The following PRIMA1 variants were observed in gnomAD, a reference collection of about 807,000 sequenced individuals.
PRIMA1 encodes proline rich membrane anchor 1, also known as proline-rich membrane anchor 1.
A neutral mutation model predicts 17.5 loss-of-function variants in PRIMA1; 7 were observed. The ratio of observed to expected loss-of-function variants is 0.40; its 90% confidence interval spans 0.23 to 0.75. The LOEUF is 0.75. Ranked by LOEUF, PRIMA1 falls within the 30% of genes least tolerant of loss-of-function variation. The pLI, the probability that PRIMA1 is intolerant of heterozygous loss-of-function variation, is 0.37. For synonymous variants in PRIMA1, 97 were observed against 77.9 expected (o/e 1.25, Z -1.29); for missense variants, 200 against 201.8 (o/e 0.99, Z 0.05).
Position 93,756,903 on chromosome 14 carries a change from G to A in PRIMA1, c.230-19533C>T, listed in dbSNP as rs117690660. ...AACGTGTCCTCCACAGCAGCCTCTG[G>A]GCCAGTCTCTCTGCCTGCCCTCCAC... On this transcript the variant is annotated intron_variant, in intron 3 of 4. Coordinates refer to ENST00000393140, the MANE Select transcript of PRIMA1 (RefSeq NM_178013.4). 3.3e-4 allele frequency among the ~76,000 whole-genome samples: 50 copies of A among 152,212 alleles called. No individual in the cohort carries two copies. In the East Asian group the frequency reaches 9.5e-3, roughly 29 times the overall value.
chr14:93,748,394 G>A (rs1362075063), intron 3 of PRIMA1, among the ~76,000 whole-genome samples: 1 of 152,172 alleles, frequency 6.6e-6, no homozygotes, highest in Non-Finnish European at 1.5e-5. Context: ...CAGGAGAGAC[G>A]CTTTGGGGGA....
chr14:93,761,931 CCT>C (rs1022298477), intron 3 of PRIMA1, among the ~76,000 whole-genome samples: 47 of 152,186 alleles, frequency 3.1e-4, no homozygotes, highest in Non-Finnish European at 6.2e-4. Flanking sequence ...GCATATTCCA[CCT>C]CTTTCTGATT....
chr14:93,772,443 C>T (rs1034556363), intron 3 of PRIMA1, among the ~76,000 whole-genome samples: 3 of 152,244 alleles, frequency 2.0e-5, no homozygotes, highest in East Asian at 1.9e-4. Context: ...TCACAGAGGG[C>T]GTGTGTGTGC....
chr14:93,773,991 C>G (rs1345642653), intron 3 of PRIMA1, among the ~76,000 whole-genome samples: 1 of 152,082 alleles, frequency 6.6e-6, no homozygotes. Context: ...ACTCGGGAAG[C>G]TGAGGCAGAA....
intron 2 of PRIMA1, 141 bp downstream of exon 2, chr14:93,787,485 G>T: frequency 8.2e-7 from 1 of 1,212,242 alleles, no homozygotes; most frequent in Non-Finnish European, 1.2e-6. Context: ...ATAGGGGACC[G>T]TAGCAGCTTT....
chr14:93,755,435 A>C (rs2076285032), intron 3 of PRIMA1, among the ~76,000 whole-genome samples: 1 of 152,106 alleles, frequency 6.6e-6, no homozygotes, highest in Non-Finnish European at 1.5e-5. Flanking sequence ...TAGGACTCCA[A>C]CCCTTTATTG....
chr14:93,760,266 G>A (rs759135576), intron 3 of PRIMA1, among the ~76,000 whole-genome samples: 3 of 152,108 alleles, frequency 2.0e-5, no homozygotes, highest in African/African-American at 7.2e-5. Context: ...GTCCTACCTC[G>A]ACTAACTCAG....
chr14:93,757,796 C>T (rs1165807322), intron 3 of PRIMA1, among the ~76,000 whole-genome samples: 1 of 152,174 alleles, frequency 6.6e-6, no homozygotes, highest in Non-Finnish European at 1.5e-5. Flanking sequence ...GGAAGATAAA[C>T]CTGGTAGCTC....
intron 3 of PRIMA1, among the ~76,000 whole-genome samples, chr14:93,762,244 C>T (rs1339492708): frequency 6.6e-6 from 1 of 152,188 alleles, no homozygotes; most frequent in East Asian, 1.9e-4. Flanking sequence ...TGTGATAGTG[C>T]TCGTCTCCCA....
intron 4 of PRIMA1, among the ~76,000 whole-genome samples, chr14:93,728,246 G>T (rs972104140): frequency 6.6e-6 from 1 of 152,192 alleles, no homozygotes; most frequent in Non-Finnish European, 1.5e-5. Context: ...GCACCAGGTT[G>T]GTAGTCATCT....
At chr14:93,747,829 G>C (rs1306180488) in intron 3 of PRIMA1, among the ~76,000 whole-genome samples, 2 of 150,862 alleles carry the variant, frequency 1.3e-5, no homozygotes. Flanking sequence ...GTGTGATTGT[G>C]TGTGAGAGTG....
In PRIMA1 at chr14:93,737,390, C is replaced by T; in HGVS notation, c.230-20G>A. 1 of 1,611,688 alleles carries T rather than the reference C, an allele frequency of 6.2e-7. No homozygotes were observed. ...TGGGAGCTGAAAAAGACAGGAGCAG[C>T]CTGAGTGTCACCTGGATGAGCTGGT... On this transcript the variant is annotated intron_variant, in intron 3 of 4. Coordinates refer to ENST00000393140, the MANE Select transcript of PRIMA1 (RefSeq NM_178013.4).
chr14:93,753,567 G>T (rs141268216), intron 3 of PRIMA1, among the ~76,000 whole-genome samples: 33 of 152,246 alleles, frequency 2.2e-4, no homozygotes, highest in East Asian at 2.1e-3. Flanking sequence ...TGCTTCTATG[G>T]CCTTATTTTT....
At chr14:93,770,549 C>T (rs1885029593) in intron 3 of PRIMA1, among the ~76,000 whole-genome samples, 1 of 152,226 alleles carries the variant, frequency 6.6e-6, no homozygotes, top group Non-Finnish European at 1.5e-5. Context: ...CCAGCTATTC[C>T]CTTTCGGTCA....
At chr14:93,739,489 C>T (rs762527150) in intron 3 of PRIMA1, among the ~76,000 whole-genome samples, 2 of 152,192 alleles carry the variant, frequency 1.3e-5, no homozygotes, top group Non-Finnish European at 2.9e-5. Flanking sequence ...GGATAAATAT[C>T]TAGGAGTGGA....
At chr14:93,752,544 G>A (rs1391761284) in intron 3 of PRIMA1, among the ~76,000 whole-genome samples, 2 of 152,116 alleles carry the variant, frequency 1.3e-5, no homozygotes, top group Non-Finnish European at 2.9e-5. Context: ...GGGCTGCCCC[G>A]GCTCCAGCCT....
chr14:93,771,778 G>A (rs914767149), intron 3 of PRIMA1, among the ~76,000 whole-genome samples: 1 of 152,216 alleles, frequency 6.6e-6, no homozygotes, highest in Non-Finnish European at 1.5e-5. Context: ...CTTCGAAGGG[G>A]AGGCTGGTGG....
chr14:93,745,179 G>A (rs151149533), intron 3 of PRIMA1, among the ~76,000 whole-genome samples: 25 of 152,248 alleles, frequency 1.6e-4, no homozygotes, highest in African/African-American at 4.3e-4. Context: ...CACTGAGCAC[G>A]TCCCCCCTCT....
Position 93,726,409 on chromosome 14 carries a change from G to A in PRIMA1, c.360-4863C>T, listed in dbSNP as rs2076076319. Among the ~76,000 whole-genome samples the A allele has an allele frequency of 6.6e-6, 1 of 152,146 alleles. No individual in the cohort carries two copies. Among genetic ancestry groups the A allele is most frequent in the Admixed American group, 6.5e-5 (1 of 15,282 alleles). On this transcript the variant is annotated intron_variant, in intron 4 of 4. Transcript: ENST00000393140. This position sits in a 1 kb window ranked among gnomAD's most constrained non-coding sequence, Gnocchi z 4.2. ...CCTGCCTCATGCGCCCCTGGGAGAA[G>A]TGAAAGTTAAAGGTCCTGGACTCAC... is the stretch of plus-strand genomic sequence containing the variant.
Sources: gnomAD v4.1 joint callset for allele counts (sites outside exome capture counted in the v4.1 genomes callset) on GRCh38, gnomAD v4.1.1 for gene constraint, Gnocchi (gnomAD v3.1) non-coding constraint, MANE v1.5 for transcripts, NCBI Gene and HGNC (gene_info 2026-07-23, HGNC 2026-07-21) for gene names.